TRIM39: variants seen among roughly 807,000 people sequenced by gnomAD.
TRIM39 encodes the protein E3 ubiquitin-protein ligase TRIM39.
A neutral mutation model predicts 53.6 loss-of-function variants in TRIM39; 5 were observed. The ratio of observed to expected loss-of-function variants is 0.09; its 90% CI spans 0.05 to 0.20. TRIM39 has a LOEUF of 0.20. TRIM39 is among the 10% of genes least tolerant of loss of function. TRIM39 has a pLI of 1.00. For missense variants in TRIM39, 310 were observed against 621.0 expected, an observed-to-expected ratio of 0.50 and a Z score of 5.32; for synonymous variants, 196 against 237.6, an observed-to-expected ratio of 0.82 and a Z score of 1.61.
At chr6:30,330,817 A>C in exon 4 of TRIM39, 1 of 1,614,208 alleles carries the variant, frequency 6.2e-7, no homozygotes, top group Non-Finnish European at 8.5e-7. Context: ...CCTGGAACAG[A>C]AGCTGCAGGA....
At position 30,331,020 on chromosome 6, in the gene TRIM39, A is replaced by G; in HGVS notation, c.549+144A>G. On this transcript the variant is annotated intron_variant, in intron 4 of 7. Coordinates refer to ENST00000396551, the Ensembl canonical transcript of TRIM39. ...CATGGTGGCTCACACCTGTAATCCCAGCAATTCTGGAGGCCAAGGTGGGCA... is the reference window on the plus strand; with the variant it reads ...CATGGTGGCTCACACCTGTAATCCCGGCAATTCTGGAGGCCAAGGTGGGCA... 3.9e-6 allele frequency: 4 copies of G among 1,014,568 alleles called. No individual in the cohort carries two copies. The East Asian group carries it at 1.1e-4, about 27-fold the overall frequency. The allele number at this position is 1,014,568 out of a possible 1,614,324, so 62.8% of individuals were successfully genotyped here.
intron 1 of TRIM39, among the ~76,000 whole-genome samples, chr6:30,328,668 C>T (rs1020245342): frequency 1.2e-4 from 18 of 151,630 alleles, no homozygotes; most frequent in Non-Finnish European, 2.9e-5. Context: ...TATCAGCTGT[C>T]ATTAGTGTCA....
At position 30,339,982 on chromosome 6, in the gene TRIM39, A is replaced by C; in HGVS notation, c.803+52A>C. 1 of 1,613,706 alleles carries C rather than the reference A, an allele frequency of 6.2e-7. No homozygotes were observed. The highest frequency in any genetic ancestry group is 8.5e-7 in the Non-Finnish European group (1 of 1,179,790). ...TGAGTTAGGTCTTGGCTTAGAGAGG[A>C]GGGGTACAGTCAGGAGTTTGGGTTG... On this transcript the variant is annotated intron_variant, in intron 6 of 7. Transcript: ENST00000396551. This position sits in a 1 kb window ranked among gnomAD's most constrained non-coding sequence, Gnocchi z 4.2.
intron 4 of TRIM39, among the ~76,000 whole-genome samples, chr6:30,334,307 A>ATTCT (rs35724275): frequency 0.7 from 106,247 of 151,576 alleles, 38,086 homozygotes; most frequent in African/African-American, 0.85. Context: ...TGCTTGGGGA[A>ATTCT]TTCTTTAGGG....
At chr6:30,334,922 A>G (rs1162576498) in intron 4 of TRIM39, among the ~76,000 whole-genome samples, 1 of 152,038 alleles carries the variant, frequency 6.6e-6, no homozygotes, top group Non-Finnish European at 1.5e-5. Context: ...AGTTGAAACA[A>G]GGTCTCACTA....
rs2127409391 is a variant in TRIM39, at chr6:30,339,685, G to T, written c.781-223G>T. Among the ~76,000 whole-genome samples, 1 of 152,318 alleles carries T rather than the reference G, an allele frequency of 6.6e-6. No individual in the cohort carries two copies. Among genetic ancestry groups the T allele is most frequent in the Middle Eastern group, 3.4e-3 (1 of 294 alleles). On this transcript the variant is annotated intron_variant, in intron 5 of 7. Coordinates refer to ENST00000396551, the Ensembl canonical transcript of TRIM39. The surrounding 1 kb of genome is among the most constrained non-coding windows in gnomAD (Gnocchi z 4.2). ...AGCATAAAAGAAATCATTGGGAAGTGATATAAATGACCAAGCTTCATGATG... is the reference window on the plus strand; with the variant it reads ...AGCATAAAAGAAATCATTGGGAAGTTATATAAATGACCAAGCTTCATGATG...
rs1787374171 is a variant in TRIM39 at position 30,340,446 on chromosome 6, T to A, written c.804-59T>A. On this transcript the variant is annotated intron_variant, in intron 6 of 7. Coordinates refer to ENST00000396551, the Ensembl canonical transcript of TRIM39. ...AAAATGTTAACATCTGAATAGTCACTTGGCTGGAGCTTCTCCCTAACCCTG... is the reference window on the plus strand; with the variant it reads ...AAAATGTTAACATCTGAATAGTCACATGGCTGGAGCTTCTCCCTAACCCTG... The A allele has an allele frequency of 1.9e-6, 3 of 1,611,312 alleles. No individual in the cohort carries two copies. In the East Asian group the frequency reaches 6.7e-5, roughly 36 times the overall value.
chr6:30,341,573 T>C, intron 7 of TRIM39, 139 bp from the exon 8 acceptor site: 7 of 1,272,388 alleles, frequency 5.5e-6, no homozygotes, highest in Non-Finnish European at 7.6e-6. Context: ...ACACCATGGA[T>C]TGAGAAAGTT....
Position 30,335,267 on chromosome 6 carries a change from C to T in TRIM39, c.550-478C>T, listed in dbSNP as rs905565035. 3.3e-5 allele frequency among the ~76,000 whole-genome samples: 5 copies of T among 151,966 alleles called. No individual in the cohort carries two copies. The highest frequency in any genetic ancestry group is 4.8e-5 in the African/African-American group (2 of 41,368). On this transcript the variant is annotated intron_variant, in intron 4 of 7. Transcript: ENST00000396551. This position sits in a 1 kb window ranked among gnomAD's most constrained non-coding sequence, Gnocchi z 4.7. ...AATAAAAAATGAGTGTTCTGTTAAA[C>T]CATTTTCTCTCATTTTCTTTCTTTC... is the stretch of plus-strand genomic sequence containing the variant.
chr6:30,340,052 G>C lies in TRIM39; in HGVS notation c.803+122G>C, dbSNP rs1164490475. 3 of 1,468,136 alleles carry C rather than the reference G, an allele frequency of 2.0e-6. No individual in the cohort carries two copies. The East Asian group carries it at 6.9e-5, about 34-fold the overall frequency. 90.9% of individuals were successfully genotyped at this position (1,468,136 alleles called of 1,614,324 possible). On this transcript the variant is annotated intron_variant, in intron 6 of 7. Coordinates refer to ENST00000396551, the Ensembl canonical transcript of TRIM39. ...CATGTAGTGTGTCTGGGCAGGGTAT[G>C]GGAGAATGTTCATTGTGCCCATGAA...
intron 6 of TRIM39, chr6:30,340,281 T>C: frequency 6.2e-7 from 1 of 1,612,890 alleles, no homozygotes. Flanking sequence ...GGAATATTCC[T>C]AGAAAGTTCG....
chr6:30,332,011 C>A (rs373733280), intron 4 of TRIM39, among the ~76,000 whole-genome samples: 1 of 151,956 alleles, frequency 6.6e-6, no homozygotes, highest in Non-Finnish European at 1.5e-5. Flanking sequence ...AGAAAAGCTA[C>A]GAGAAAGAGA....
chr6:30,340,859 T>TA (rs1388180160), intron 7 of TRIM39, among the ~76,000 whole-genome samples: 2 of 152,280 alleles, frequency 1.3e-5, no homozygotes, highest in African/African-American at 4.8e-5. Flanking sequence ...AAAGGTTAAA[T>TA]AATTTGCCAA....
intron 7 of TRIM39, 144 bp from the exon 8 acceptor site, chr6:30,341,568 A>G: frequency 8.1e-7 from 1 of 1,228,626 alleles, no homozygotes; most frequent in Non-Finnish European, 1.1e-6. Flanking sequence ...AGGTGACACC[A>G]TGGATTGAGA....
chr6:30,328,380 A>C (rs1183108849), intron 1 of TRIM39, among the ~76,000 whole-genome samples: 1 of 152,266 alleles, frequency 6.6e-6, no homozygotes, highest in African/African-American at 2.4e-5. Flanking sequence ...AACACAAGAG[A>C]AATGGAATGT....
chr6:30,331,796 G>T (rs1167380901), intron 4 of TRIM39, among the ~76,000 whole-genome samples: 1 of 152,102 alleles, frequency 6.6e-6, no homozygotes, highest in Non-Finnish European at 1.5e-5. Flanking sequence ...ATACAATTTT[G>T]CACCTCTTTT....
intron 3 of TRIM39, among the ~76,000 whole-genome samples, chr6:30,330,028 A>C (rs1197857518): frequency 6.6e-6 from 1 of 152,210 alleles, no homozygotes; most frequent in Non-Finnish European, 1.5e-5. Context: ...GTGTGGTCAT[A>C]TTTTTCATAA....
At chr6:30,328,904 G>A (rs5030609) in exon 2 of TRIM39, 28,474 of 172,378 alleles carry the variant, frequency 0.17, 3,209 homozygotes, top group East Asian at 0.42. Flanking sequence ...TTTCTTGTCT[G>A]TTAGAAACGT....
chr6:30,330,456 G>A (rs1786007968), intron 3 of TRIM39, among the ~76,000 whole-genome samples: 1 of 152,166 alleles, frequency 6.6e-6, no homozygotes, highest in Non-Finnish European at 1.5e-5. Context: ...GGGTACAGAA[G>A]GTTGCTTGGA....
Sources: gnomAD v4.1 joint callset for allele counts (sites outside exome capture counted in the v4.1 genomes callset) on GRCh38, gnomAD v4.1.1 for gene constraint, Gnocchi (gnomAD v3.1) non-coding constraint, MANE v1.5 for transcripts, NCBI Gene and HGNC (gene_info 2026-07-23, HGNC 2026-07-21) for gene names.